Variants in TENM2 observed in about 807,000 individuals in gnomAD.
The protein encoded by TENM2 is teneurin-2.
TENM2 carries 52 observed loss-of-function variants against 245.2 expected under a neutral mutation model. That is an observed-to-expected ratio of 0.21 (90% CI 0.17 to 0.27). TENM2 has a LOEUF of 0.27. Ranked by LOEUF, TENM2 falls within the 10% of genes least tolerant of loss-of-function variation. TENM2 has a pLI of 1.00. For missense variants in TENM2, 3,046 were observed against 3,666.8 expected (o/e 0.83, Z 4.37); for synonymous variants, 1,363 against 1,438.9 (o/e 0.95, Z 1.19).
intron 2 of TENM2, among the ~76,000 whole-genome samples, chr5:167,869,785 T>C (rs1354921943): frequency 2.0e-5 from 3 of 152,082 alleles, no homozygotes; most frequent in African/African-American, 7.2e-5. Flanking sequence ...AAAAACCCGA[T>C]GCACTTTCCT....
At chr5:167,640,370 C>A (rs1246090554) in intron 2 of TENM2, among the ~76,000 whole-genome samples, 1 of 152,112 alleles carries the variant, frequency 6.6e-6, no homozygotes, top group Non-Finnish European at 1.5e-5. Flanking sequence ...GTAATCCCAG[C>A]ACTTTGGGAG....
chr5:167,505,489 T>C (rs1054799420), intron 2 of TENM2, among the ~76,000 whole-genome samples: 1 of 152,142 alleles, frequency 6.6e-6, no homozygotes, highest in Non-Finnish European at 1.5e-5. Context: ...AGGAAAAATA[T>C]TGTTTTGTCC....
chr5:167,884,864 T>A lies in TENM2; in HGVS notation c.712+8669T>A, dbSNP rs1052976935. Among the ~76,000 whole-genome samples, 14 of 152,296 alleles carry A rather than the reference T, an allele frequency of 9.2e-5. 1 individual carries two copies. Among genetic ancestry groups the A allele is most frequent in the Admixed American group, 7.2e-4 (11 of 15,300 alleles). The stretch of plus-strand genomic sequence containing the variant: ...TGTACAGTGTCTGTACCACTGTACA[T>A]TCCCACCAGCAATACACAAGGGCTC... On this transcript the variant is annotated intron_variant, in intron 3 of 28. Transcript: ENST00000518659.
chr5:167,936,300 A>G (rs1004271809), intron 3 of TENM2, among the ~76,000 whole-genome samples: 2 of 152,224 alleles, frequency 1.3e-5, no homozygotes, highest in African/African-American at 4.8e-5. Context: ...CTTTCTACAC[A>G]GTATAGTTTC....
chr5:167,228,392 C>G, the TENM2 span, among the ~76,000 whole-genome samples: 2 of 151,684 alleles, frequency 1.3e-5, no homozygotes, highest in Admixed American at 1.3e-4. Flanking sequence ...TTTTGTATTT[C>G]ATTGAATAAG....
At chr5:167,061,765 G>A in the TENM2 span, among the ~76,000 whole-genome samples, 3 of 151,854 alleles carry the variant, frequency 2.0e-5, no homozygotes, top group African/African-American at 4.8e-5. Flanking sequence ...TGTGTTAAAC[G>A]TGTTTACTTT....
intron 2 of TENM2, among the ~76,000 whole-genome samples, chr5:167,705,429 A>G (rs1411364382): frequency 1.3e-5 from 2 of 152,172 alleles, no homozygotes; most frequent in Non-Finnish European, 2.9e-5. Flanking sequence ...AGCTTGGTTG[A>G]TCTGGATGGA....
chr5:168,094,397 A>G (rs1218384746), intron 8 of TENM2, among the ~76,000 whole-genome samples: 1 of 152,114 alleles, frequency 6.6e-6, no homozygotes, highest in East Asian at 1.9e-4. Flanking sequence ...CAAGAATGTC[A>G]ATTTCCACCA....
intron 2 of TENM2, among the ~76,000 whole-genome samples, chr5:167,640,896 T>TATAG: frequency 1.0e-5 from 1 of 99,494 alleles, no homozygotes; most frequent in Admixed American, 1.1e-4. Context: ...TATATATATA[T>TATAG]ATATATATAT....
intron 1 of TENM2, among the ~76,000 whole-genome samples, chr5:167,355,665 G>A (rs1759262052): frequency 6.6e-6 from 1 of 152,044 alleles, no homozygotes; most frequent in African/African-American, 2.4e-5. Flanking sequence ...GGGAAATGTG[G>A]CTTCTCAGAT....
chr5:167,754,190 C>G (rs1762137092), intron 2 of TENM2, among the ~76,000 whole-genome samples: 2 of 152,076 alleles, frequency 1.3e-5, no homozygotes, highest in South Asian at 4.1e-4. Context: ...GATACTGCAC[C>G]TTGTGTGAGT....
At chr5:168,213,153 C>T (rs1762914809) in intron 20 of TENM2, among the ~76,000 whole-genome samples, 1 of 152,044 alleles carries the variant, frequency 6.6e-6, no homozygotes, top group African/African-American at 2.4e-5. Flanking sequence ...TGGATAGTCT[C>T]TAATGACTTA....
At chr5:168,000,942 CAGG>C (rs3056562) in intron 5 of TENM2, among the ~76,000 whole-genome samples, 63,462 of 152,052 alleles carry the variant, frequency 0.42, 14,635 homozygotes, top group African/African-American at 0.61. Flanking sequence ...CACTGCACAC[CAGG>C]TCCAATGAGA....
chr5:167,411,797 A>G (rs933115439), intron 2 of TENM2, among the ~76,000 whole-genome samples: 3 of 152,068 alleles, frequency 2.0e-5, no homozygotes, highest in African/African-American at 4.8e-5. Flanking sequence ...ATCATCATCA[A>G]TGTATCGAAT....
chr5:167,478,895 G>A (rs771439634), intron 2 of TENM2, among the ~76,000 whole-genome samples: 1 of 151,940 alleles, frequency 6.6e-6, no homozygotes, highest in Non-Finnish European at 1.5e-5. Flanking sequence ...CCTGCTATGG[G>A]CTGAGTTCTT....
chr5:167,568,655 G>GTGTGTGTA (rs1554182305), intron 2 of TENM2, among the ~76,000 whole-genome samples: 80 of 148,698 alleles, frequency 5.4e-4, no homozygotes, highest in African/African-American at 1.8e-3. Context: ...TGGTGTGTGT[G>GTGTGTGTA]TGTGTGTGTG....
At chr5:167,518,052 C>T (rs761330925) in intron 2 of TENM2, among the ~76,000 whole-genome samples, 1 of 151,606 alleles carries the variant, frequency 6.6e-6, no homozygotes, top group Non-Finnish European at 1.5e-5. Flanking sequence ...TCGGATGTTA[C>T]GGCGCACACC....
At chr5:167,733,916 C>T (rs114632935) in intron 2 of TENM2, among the ~76,000 whole-genome samples, 4,480 of 152,194 alleles carry the variant, frequency 0.029, 209 homozygotes, top group African/African-American at 0.1. Flanking sequence ...CTCCACATTG[C>T]GTATGAGGAC....
At chr5:167,457,363 G>A (rs181841045) in intron 2 of TENM2, among the ~76,000 whole-genome samples, 3,480 of 143,026 alleles carry the variant, frequency 0.024, 67 homozygotes, top group Non-Finnish European at 0.036. Context: ...AGACAGTTTC[G>A]CTCTTGTTGC....
Sources: allele counts gnomAD v4.1 joint callset (sites outside exome capture counted in the v4.1 genomes callset), GRCh38; gene constraint gnomAD v4.1.1; transcripts MANE v1.5; gene names NCBI Gene and HGNC (gene_info 2026-07-23, HGNC 2026-07-21).